The following FILIP1 variants were observed in gnomAD, a reference collection of about 807,000 sequenced individuals.
The protein encoded by FILIP1 is filamin A interacting protein 1.
A neutral mutation model predicts 102.1 loss-of-function variants in FILIP1; 61 were observed. The ratio of observed to expected loss-of-function variants is 0.60; its 90% CI spans 0.49 to 0.74. FILIP1 has a LOEUF of 0.74. FILIP1 is among the 30% of genes least tolerant of loss of function. The pLI is 0.00. For synonymous variants in FILIP1, 491 were observed against 526.9 expected (o/e 0.93, Z 0.93); for missense variants, 1,314 against 1,441.2 (o/e 0.91, Z 1.43).
At chr6:75,339,256 TTG>T (rs947843140) in intron 4 of FILIP1, among the ~76,000 whole-genome samples, 1 of 152,234 alleles carries the variant, frequency 6.6e-6, no homozygotes, top group African/African-American at 2.4e-5. Flanking sequence ...ATGATTTTTA[TTG>T]TGTGTTTCTT....
At chr6:75,441,928 G>C (rs1205593889) in intron 1 of FILIP1, among the ~76,000 whole-genome samples, 2 of 150,920 alleles carry the variant, frequency 1.3e-5, no homozygotes, top group African/African-American at 4.9e-5. Flanking sequence ...CTGGCCGGGC[G>C]GGGGGCTGAC....
At chr6:75,336,410 A>G (rs1774244345) in intron 4 of FILIP1, among the ~76,000 whole-genome samples, 1 of 152,186 alleles carries the variant, frequency 6.6e-6, no homozygotes, top group Non-Finnish European at 1.5e-5. Flanking sequence ...CCCACAATAT[A>G]TAATATGTTT....
intron 1 of FILIP1, among the ~76,000 whole-genome samples, chr6:75,476,588 T>C (rs1261204751): frequency 6.6e-6 from 1 of 152,214 alleles, no homozygotes; most frequent in Non-Finnish European, 1.5e-5. Context: ...CTATTCTATA[T>C]GCATATTTTA....
At chr6:75,338,808 T>C (rs570463047) in intron 4 of FILIP1, among the ~76,000 whole-genome samples, 1 of 152,342 alleles carries the variant, frequency 6.6e-6, no homozygotes, top group East Asian at 1.9e-4. Flanking sequence ...AATAAACGAT[T>C]AGATCAATTA....
At position 75,458,739 on chromosome 6, in the gene FILIP1, T is replaced by C. The variant is rs1322484200; in HGVS notation, c.-7+34675A>G. On this transcript the variant is annotated intron_variant, in intron 1 of 5. Transcript: ENST00000237172. The stretch of plus-strand genomic sequence containing the variant: ...CAAGGGAAGAGTGAAAACACTGGCT[T>C]GGAATGAGCTCTGATCATGTCTACT... 3 of 152,216 alleles carry C rather than the reference T, an allele frequency of 2.0e-5. No homozygotes were observed. The East Asian group carries it at 5.8e-4, about 29-fold the overall frequency. 9.4% of individuals were successfully genotyped at this position (152,216 alleles called of 1,614,324 possible).
chr6:75,325,975 A>G (rs1168135831), intron 4 of FILIP1, among the ~76,000 whole-genome samples: 1 of 152,228 alleles, frequency 6.6e-6, no homozygotes, highest in Non-Finnish European at 1.5e-5. Flanking sequence ...TTAGCAGTGT[A>G]ACTCGCAACT....
intron 1 of FILIP1, among the ~76,000 whole-genome samples, chr6:75,486,922 G>A (rs184242275): frequency 1.3e-5 from 2 of 152,130 alleles, no homozygotes; most frequent in East Asian, 3.9e-4. Flanking sequence ...TATGGAATGA[G>A]CAGAATGTAG....
downstream of FILIP1, among the ~76,000 whole-genome samples, chr6:75,303,548 T>A (rs771109359): frequency 6.6e-6 from 1 of 152,112 alleles, no homozygotes; most frequent in Non-Finnish European, 1.5e-5. Context: ...AGAGGTTTGT[T>A]TTCTGGAAAA....
intron 2 of FILIP1, among the ~76,000 whole-genome samples, chr6:75,394,450 T>C (rs926852805): frequency 6.6e-6 from 1 of 152,054 alleles, no homozygotes; most frequent in African/African-American, 2.4e-5. Flanking sequence ...ATAATAGTAA[T>C]AATAAATTCT....
intron 1 of FILIP1, among the ~76,000 whole-genome samples, chr6:75,429,453 T>C (rs1777745830): frequency 6.6e-6 from 1 of 152,194 alleles, no homozygotes; most frequent in South Asian, 2.1e-4. Flanking sequence ...ATGTTGTGCA[T>C]AGCAGGGAAT....
exon 7 of FILIP1, chr6:75,294,534 T>A (rs1430980814): frequency 6.6e-6 from 1 of 152,250 alleles, no homozygotes; most frequent in African/African-American, 2.4e-5. Flanking sequence ...ACGTTGAGAT[T>A]TGAGTAATGC....
At chr6:75,466,133 C>T (rs894342135) in intron 1 of FILIP1, among the ~76,000 whole-genome samples, 6 of 152,150 alleles carry the variant, frequency 3.9e-5, no homozygotes, top group African/African-American at 1.4e-4. Flanking sequence ...CCTGACCATC[C>T]TATTTAAAAT....
chr6:75,430,189 A>G (rs1465551589), intron 1 of FILIP1, among the ~76,000 whole-genome samples: 1 of 152,138 alleles, frequency 6.6e-6, no homozygotes. Flanking sequence ...GCCATGTAAG[A>G]CGTGCCTGCT....
At chr6:75,297,940 G>A (rs553047340) in intron 6 of FILIP1, among the ~76,000 whole-genome samples, 5 of 152,276 alleles carry the variant, frequency 3.3e-5, no homozygotes, top group African/African-American at 1.2e-4. Flanking sequence ...CCCTTTCAGG[G>A]TTAACATTTT....
intron 1 of FILIP1, among the ~76,000 whole-genome samples, chr6:75,431,482 C>A (rs576359351): frequency 6.6e-6 from 1 of 152,120 alleles, no homozygotes; most frequent in African/African-American, 2.4e-5. Context: ...TTTCTGTTCA[C>A]CCCTATTCTT....
At position 75,355,107 on chromosome 6, in the gene FILIP1, C is replaced by A. The variant is rs373287394; in HGVS notation, c.451-1390G>T. ...GTTAGGAGTTCGAGACCAGCCTGAC[C>A]AACATGGTGAAACCCTGTCTCTACT... is the stretch of plus-strand genomic sequence containing the variant. On this transcript the variant is annotated intron_variant, in intron 3 of 5. Transcript: ENST00000237172. Among the ~76,000 whole-genome samples the A allele has an allele frequency of 3.3e-5, 5 of 152,168 alleles. No homozygotes were observed. In the East Asian group the frequency reaches 9.7e-4, roughly 30 times the overall value.
chr6:75,421,947 T>G (rs1777483195), intron 1 of FILIP1, among the ~76,000 whole-genome samples: 1 of 152,140 alleles, frequency 6.6e-6, no homozygotes, highest in Non-Finnish European at 1.5e-5. Flanking sequence ...ATCTGTGATC[T>G]TACAGCGTGG....
intron 2 of FILIP1, among the ~76,000 whole-genome samples, chr6:75,400,640 C>T (rs924083755): frequency 6.6e-6 from 1 of 152,056 alleles, no homozygotes; most frequent in Non-Finnish European, 1.5e-5. Context: ...ACCGCAGGAG[C>T]TTTGATCAAT....
At position 75,414,851 on chromosome 6, in the gene FILIP1, T is replaced by A; in HGVS notation, c.122A>T (p.Lys41Ile). 3.1e-6 allele frequency: 5 copies of A among 1,613,988 alleles called. No homozygotes were observed. The highest frequency in any genetic ancestry group is 4.2e-6 in the Non-Finnish European group (5 of 1,179,920). Residue 41 changes from lysine (K) to isoleucine (I), a missense_variant, in exon 2 of 6, where the codon AAA becomes ATA. By Grantham distance (102) the Lys-to-Ile change is moderately radical. Transcript: ENST00000237172. ...GACATCATCCTCCTTCCTATTTGATTTCTTCTTCTTTTTTGCATCTTCTGA... is the reference window on the plus strand; with the variant it reads ...GACATCATCCTCCTTCCTATTTGATATCTTCTTCTTTTTTGCATCTTCTGA... The part of the protein sequence containing the change: ...SLSEDAKKKK[K>I]SNRKEDDVMA...
Sources: gnomAD v4.1 joint callset for allele counts (sites outside exome capture counted in the v4.1 genomes callset) on GRCh38, gnomAD v4.1.1 for gene constraint, MANE v1.5 for transcripts, NCBI Gene and HGNC (gene_info 2026-07-23, HGNC 2026-07-21) for gene names.